KCTD3: variants seen among roughly 807,000 people sequenced by gnomAD.
The protein encoded by KCTD3 is BTB/POZ domain-containing protein KCTD3.
In KCTD3, 41 loss-of-function variants were observed where a neutral mutation model predicts 85.8. The ratio of observed to expected loss-of-function variants is 0.48; its 90% CI spans 0.37 to 0.62. The LOEUF is 0.62. KCTD3 is among the 20% of genes least tolerant of loss of function. KCTD3 has a pLI of 0.00. For synonymous variants in KCTD3, 338 were observed against 345.4 expected, an observed-to-expected ratio of 0.98 and a Z score of 0.24; for missense variants, 724 against 989.9, an observed-to-expected ratio of 0.73 and a Z score of 3.60.
intron 9 of KCTD3, among the ~76,000 whole-genome samples, chr1:215,591,886 A>T (rs1348149809): frequency 2.6e-5 from 4 of 152,194 alleles, no homozygotes; most frequent in African/African-American, 7.2e-5. Context: ...ATAAAGACAT[A>T]CTCAAAACTG....
intron 9 of KCTD3, among the ~76,000 whole-genome samples, chr1:215,588,959 C>T (rs1007905751): frequency 6.6e-6 from 1 of 152,106 alleles, no homozygotes; most frequent in African/African-American, 2.4e-5. Context: ...CTGTTCAAGG[C>T]TTTATTAGTC....
intron 10 of KCTD3, among the ~76,000 whole-genome samples, chr1:215,601,602 C>T (rs1432331938): frequency 1.3e-5 from 2 of 151,732 alleles, no homozygotes; most frequent in African/African-American, 4.9e-5. Flanking sequence ...GACAACCAAT[C>T]GAAATTGAGA....
At position 215,618,618 on chromosome 1, in the gene KCTD3, T is replaced by C. The variant is rs1571904252; in HGVS notation, c.1563-268T>C. ...TTCTCTCTCAGGTTCTTTTATCTTTTATGAAAATCAACTAAAAAGTCATAA... is the reference window on the plus strand; with the variant it reads ...TTCTCTCTCAGGTTCTTTTATCTTTCATGAAAATCAACTAAAAAGTCATAA... On this transcript the variant is annotated intron_variant, in intron 15 of 17. Coordinates refer to ENST00000259154, the MANE Select transcript of KCTD3 (RefSeq NM_016121.5). 1.4e-5 allele frequency: 4 copies of C among 291,036 alleles called. No homozygotes were observed. In the East Asian group the frequency reaches 2.7e-4, roughly 20 times the overall value. 18.0% of individuals were successfully genotyped at this position (291,036 alleles called of 1,614,324 possible). A position where few individuals can be genotyped will look rare whatever the true frequency, so the allele number is the denominator to read the frequency against.
intron 9 of KCTD3, among the ~76,000 whole-genome samples, chr1:215,590,543 T>C (rs1660172112): frequency 6.6e-6 from 1 of 152,202 alleles, no homozygotes; most frequent in Non-Finnish European, 1.5e-5. Context: ...ATTTCATTTT[T>C]TTCTCCATTC....
intron 9 of KCTD3, among the ~76,000 whole-genome samples, chr1:215,589,868 A>G (rs1296080420): frequency 6.6e-6 from 1 of 152,156 alleles, no homozygotes; most frequent in Admixed American, 6.5e-5. Flanking sequence ...CTTATTTCCA[A>G]TTTGGAGATA....
chr1:215,593,128 A>T (rs1008087560), intron 9 of KCTD3, among the ~76,000 whole-genome samples: 4 of 152,206 alleles, frequency 2.6e-5, no homozygotes, highest in Non-Finnish European at 2.9e-5. Flanking sequence ...TGTTATCATC[A>T]TTAAAGTACT....
At chr1:215,594,190 T>C (rs1660325306) in intron 9 of KCTD3, among the ~76,000 whole-genome samples, 1 of 152,126 alleles carries the variant, frequency 6.6e-6, no homozygotes, top group Non-Finnish European at 1.5e-5. Flanking sequence ...CAAGTGATCA[T>C]TGAAACATTT....
chr1:215,574,288 C>G (rs531816297), intron 3 of KCTD3, among the ~76,000 whole-genome samples, 170 bp downstream of exon 3: 21 of 152,096 alleles, frequency 1.4e-4, no homozygotes, highest in Non-Finnish European at 2.2e-4. Flanking sequence ...CAGAGAAGAT[C>G]CCTAAGTAGG....
At chr1:215,578,543 C>G (rs1659675578) in intron 6 of KCTD3, among the ~76,000 whole-genome samples, 1 of 152,114 alleles carries the variant, frequency 6.6e-6, no homozygotes, top group African/African-American at 2.4e-5. Flanking sequence ...TTAGAAGAGC[C>G]TGATTTTACC....
rs770468530 is a variant in KCTD3 at position 215,575,983 on chromosome 1, T to G, written c.257+9T>G. ...AAAGAACTAGACTTAAGGTAAGAAA[T>G]GCACTCTTTTTAAAGTAAATTCTTA... On this transcript the variant is annotated intron_variant, in intron 4 of 17. Transcript: ENST00000259154. 8.2e-5 allele frequency: 111 copies of G among 1,358,308 alleles called. No homozygotes were observed. The Middle Eastern group carries it at 2.7e-3, about 33-fold the overall frequency. 84.1% of individuals were successfully genotyped at this position (1,358,308 alleles called of 1,614,324 possible).
chr1:215,584,729 G>C (rs1659946404), intron 8 of KCTD3, among the ~76,000 whole-genome samples: 1 of 152,140 alleles, frequency 6.6e-6, no homozygotes, highest in Non-Finnish European at 1.5e-5. Flanking sequence ...ATATCTGAAA[G>C]CATGCTATTC....
intron 9 of KCTD3, among the ~76,000 whole-genome samples, chr1:215,592,427 C>G (rs543384276): frequency 1.3e-5 from 2 of 151,644 alleles, no homozygotes; most frequent in Admixed American, 6.6e-5. Context: ...TTTATTCTAT[C>G]GTGATCGACA....
rs755015004 is a variant in KCTD3, at chr1:215,608,120, A to G, written c.1413A>G (p.Leu471=). The change falls in exon 14 of 18, where the codon CTA becomes CTG. Residue 471 remains leucine, a synonymous_variant. Coordinates refer to ENST00000259154, the MANE Select transcript of KCTD3 (RefSeq NM_016121.5). ...CTCCTTTAGCGTCATTCAAGATACT[A>G]TCCCTGGAGGAGACAGAAAGTCATG... ...GSTPLASFKI[L]SLEETESHGS... 17 of 1,612,050 alleles carry G rather than the reference A, an allele frequency of 1.1e-5. No individual in the cohort carries two copies. The highest frequency in any genetic ancestry group is 8.8e-5 in the South Asian group (8 of 90,974).
Position 215,620,792 on chromosome 1 carries a change from G to T in KCTD3, c.*174G>T. On this transcript the variant is annotated 3_prime_UTR_variant, in exon 18 of 18. Transcript: ENST00000259154. Reference sequence around the variant, plus strand: ...GAGATACAATAATCATATCTCTTTTGACATTTTGGAAATTTTTTTAATTTT... The same window carrying T: ...GAGATACAATAATCATATCTCTTTTTACATTTTGGAAATTTTTTTAATTTT... The T allele has an allele frequency of 3.9e-6, 2 of 514,392 alleles. No individual in the cohort carries two copies. Among genetic ancestry groups the T allele is most frequent in the Non-Finnish European group, 3.4e-6 (1 of 298,342 alleles). 31.9% of individuals were successfully genotyped at this position (514,392 alleles called of 1,614,324 possible).
At chr1:215,596,263 G>A (rs1025984054) in intron 10 of KCTD3, among the ~76,000 whole-genome samples, 2 of 152,138 alleles carry the variant, frequency 1.3e-5, no homozygotes, top group African/African-American at 4.8e-5. Context: ...AGGCTGGTGG[G>A]TAGGGTGAAG....
chr1:215,584,777 T>TC (rs1659947544), intron 8 of KCTD3, among the ~76,000 whole-genome samples: 1 of 152,224 alleles, frequency 6.6e-6, no homozygotes, highest in African/African-American at 2.4e-5. Flanking sequence ...TTTCTCCAAT[T>TC]GTGTCCTGTT....
intron 15 of KCTD3, chr1:215,618,554 T>C (rs1453101315): frequency 5.0e-6 from 1 of 200,662 alleles, no homozygotes; most frequent in Non-Finnish European, 9.9e-6. Flanking sequence ...GCTGATGTTA[T>C]CCCATTGTTT....
rs568791760 is a variant in KCTD3, at chr1:215,601,015, G to A, written c.934-852G>A. ...TGCAGTGGCACAATCCCCGCTCACCGCAACCTCTGCCTCCCAGGTTCGAGC... is the reference window on the plus strand; with the variant it reads ...TGCAGTGGCACAATCCCCGCTCACCACAACCTCTGCCTCCCAGGTTCGAGC... On this transcript the variant is annotated intron_variant, in intron 10 of 17. Transcript: ENST00000259154. Among the ~76,000 whole-genome samples the A allele has an allele frequency of 1.7e-4, 25 of 151,036 alleles. 2 individuals are homozygous for A. The South Asian group carries it at 4.8e-3, about 29-fold the overall frequency.
Position 215,608,310 on chromosome 1 carries a change from G to A in KCTD3, c.1465+138G>A, listed in dbSNP as rs140712035. The A allele has an allele frequency of 2.2e-3, 1,186 of 546,090 alleles. 2 individuals carry two copies. Among genetic ancestry groups the A allele is most frequent in the Non-Finnish European group, 3.0e-3 (1,016 of 333,360 alleles). The allele number at this position is 546,090 out of a possible 1,614,324, so 33.8% of individuals were successfully genotyped here. Reference sequence around the variant, plus strand: ...TTTTGAAATTCTAAACAGAATTTTAGTGTGTTTTTCTGATTAAATTCTATA... The same window carrying A: ...TTTTGAAATTCTAAACAGAATTTTAATGTGTTTTTCTGATTAAATTCTATA... On this transcript the variant is annotated intron_variant, in intron 14 of 17. Coordinates refer to ENST00000259154, the MANE Select transcript of KCTD3 (RefSeq NM_016121.5).
Sources: allele counts gnomAD v4.1 joint callset (sites outside exome capture counted in the v4.1 genomes callset), GRCh38; gene constraint gnomAD v4.1.1; transcripts MANE v1.5; gene names NCBI Gene and HGNC (gene_info 2026-07-23, HGNC 2026-07-21).